The following CHODL variants were observed in gnomAD, a reference collection of about 807,000 sequenced individuals.
The protein encoded by CHODL is transmembrane protein MT75.
In CHODL, 29 loss-of-function variants were observed where a neutral mutation model predicts 34.5. That is an observed-to-expected ratio of 0.84 (90% CI 0.63 to 1.15). The LOEUF is 1.15. CHODL is among the 50% of genes most tolerant of loss of function. CHODL has a pLI of 0.00. For synonymous variants in CHODL, 125 were observed against 116.1 expected (o/e 1.08, Z -0.49); for missense variants, 332 against 332.5 (o/e 1.00, Z 0.01).
intron 1 of CHODL, among the ~76,000 whole-genome samples, chr21:17,944,490 C>A (rs538281346): frequency 3.7e-4 from 57 of 152,298 alleles, no homozygotes; most frequent in South Asian, 3.5e-3. Flanking sequence ...ACCCAGACAG[C>A]GGGACAATCC....
intron 2 of CHODL, among the ~76,000 whole-genome samples, chr21:18,173,009 C>A (rs748556385): frequency 6.6e-6 from 1 of 152,120 alleles, no homozygotes; most frequent in Non-Finnish European, 1.5e-5. Flanking sequence ...GCTCTCAGCT[C>A]CTAGAGGCCA....
chr21:18,145,731 G>C (rs1400523455), intron 2 of CHODL, among the ~76,000 whole-genome samples: 1 of 152,134 alleles, frequency 6.6e-6, no homozygotes, highest in Non-Finnish European at 1.5e-5. Flanking sequence ...TGAGAATATG[G>C]CTTGAGTTTG....
chr21:18,219,249 A>C (rs1568942006), intron 2 of CHODL, among the ~76,000 whole-genome samples: 1 of 152,204 alleles, frequency 6.6e-6, no homozygotes, highest in Non-Finnish European at 1.5e-5. Context: ...CAGTCATGGC[A>C]GAACTGAAAG....
intron 4 of CHODL, among the ~76,000 whole-genome samples, chr21:18,260,963 G>C (rs1369089709): frequency 6.6e-6 from 1 of 152,198 alleles, no homozygotes; most frequent in African/African-American, 2.4e-5. Context: ...ACAGGGGTGG[G>C]CTGGTAAATG....
chr21:17,942,216 C>T (rs1268256260), intron 1 of CHODL, among the ~76,000 whole-genome samples: 1 of 152,122 alleles, frequency 6.6e-6, no homozygotes, highest in Non-Finnish European at 1.5e-5. Flanking sequence ...GATGTTTAAA[C>T]ATAGTATAAT....
At chr21:18,036,770 G>C (rs188399052) in intron 2 of CHODL, among the ~76,000 whole-genome samples, 140 of 150,890 alleles carry the variant, frequency 9.3e-4, no homozygotes, top group African/African-American at 3.2e-3. Context: ...TTTTTGATTT[G>C]GGCAGATATG....
intron 2 of CHODL, among the ~76,000 whole-genome samples, chr21:18,122,028 T>C (rs1386324632): frequency 1.3e-5 from 2 of 152,206 alleles, no homozygotes; most frequent in Non-Finnish European, 2.9e-5. Context: ...TGTGTTAAGC[T>C]AAGTGAATTA....
At chr21:18,204,459 A>C (rs1045876766) in intron 2 of CHODL, among the ~76,000 whole-genome samples, 1 of 152,138 alleles carries the variant, frequency 6.6e-6, no homozygotes, top group African/African-American at 2.4e-5. Context: ...TTAAGATGCC[A>C]TGATGGATGC....
At chr21:18,039,382 A>G (rs2064348563) in intron 2 of CHODL, among the ~76,000 whole-genome samples, 1 of 151,700 alleles carries the variant, frequency 6.6e-6, no homozygotes. Flanking sequence ...TTAAGGTCAA[A>G]GAGTCATATC....
At chr21:18,042,061 G>T (rs2064382623) in intron 2 of CHODL, among the ~76,000 whole-genome samples, 1 of 151,802 alleles carries the variant, frequency 6.6e-6, no homozygotes, top group African/African-American at 2.4e-5. Context: ...ATGAGCTGAT[G>T]AACGGTGTCC....
At chr21:17,930,812 C>T (rs570607931) in intron 1 of CHODL, among the ~76,000 whole-genome samples, 2 of 152,314 alleles carry the variant, frequency 1.3e-5, no homozygotes, top group East Asian at 3.9e-4. Context: ...GAACCATTCC[C>T]CCTCTCTCTA....
chr21:18,248,587 T>TATATATATATAAAATATATGTATA (rs2074173038), intron 1 of CHODL, among the ~76,000 whole-genome samples: 1 of 135,500 alleles, frequency 7.4e-6, no homozygotes, highest in Non-Finnish European at 1.5e-5. Flanking sequence ...ATGTATTTTA[T>TATATATATATAAAATATATGTATA]ATATATATAT....
chr21:18,118,424 A>G (rs2065439036), intron 2 of CHODL, among the ~76,000 whole-genome samples: 1 of 152,134 alleles, frequency 6.6e-6, no homozygotes, highest in South Asian at 2.1e-4. Context: ...ACACTTCTCA[A>G]AAGTCTTACT....
chr21:18,167,211 CTGTGTGTGTG>C lies in CHODL; in HGVS notation c.-44-89262_-44-89253del, dbSNP rs71329776. Among the ~76,000 whole-genome samples the C allele has an allele frequency of 2.7e-3, 240 of 88,176 alleles. 1 individual carries two copies. Among genetic ancestry groups the C allele is most frequent in the South Asian group, 0.016 (42 of 2,636 alleles). 57.8% of individuals were successfully genotyped at this position (88,176 alleles called of 152,430 possible). On this transcript the variant is annotated intron_variant, in intron 2 of 6. Coordinates refer to the CHODL transcript ENST00000400127. ...TTTCACCATTCCCATTTCTCTCTCT[CTGTGTGTGTG>C]TGTGTGTGTGTGTGTGTGTGTGTGT...
At chr21:18,252,742 A>C (rs1014228670) in intron 1 of CHODL, among the ~76,000 whole-genome samples, 5 of 152,188 alleles carry the variant, frequency 3.3e-5, no homozygotes, top group Non-Finnish European at 7.4e-5. Flanking sequence ...GTGACTTTTC[A>C]GTTCAAACTC....
intron 2 of CHODL, among the ~76,000 whole-genome samples, chr21:18,151,082 C>CAAAAAAAAAAAAAAAA: frequency 8.1e-6 from 1 of 123,018 alleles, no homozygotes; most frequent in Non-Finnish European, 1.6e-5. Context: ...GACTCTGTGT[C>CAAAAAAAAAAAAAAAA]AAAAAAAAAA....
intron 1 of CHODL, among the ~76,000 whole-genome samples, chr21:18,011,029 T>C (rs1600892090): frequency 6.6e-6 from 1 of 152,296 alleles, no homozygotes; most frequent in Non-Finnish European, 1.5e-5. Context: ...TTGAAGTTGG[T>C]TGAATTTTTT....
intron 2 of CHODL, among the ~76,000 whole-genome samples, chr21:18,216,475 T>C (rs1188413928): frequency 6.6e-6 from 1 of 151,980 alleles, no homozygotes; most frequent in Non-Finnish European, 1.5e-5. Flanking sequence ...ACAATTCTAC[T>C]CTCTACTTCT....
At chr21:18,260,745 C>T (rs950138263) in intron 4 of CHODL, among the ~76,000 whole-genome samples, 14 of 152,110 alleles carry the variant, frequency 9.2e-5, no homozygotes, top group African/African-American at 3.1e-4. Flanking sequence ...TCTGGGAAGT[C>T]GAGGCTGCAG....
Sources: gnomAD v4.1 joint callset for allele counts (sites outside exome capture counted in the v4.1 genomes callset) on GRCh38, gnomAD v4.1.1 for gene constraint, MANE v1.5 for transcripts, NCBI Gene and HGNC (gene_info 2026-07-23, HGNC 2026-07-21) for gene names.